Variants in ITGB4 observed in about 807,000 individuals in gnomAD.
The protein encoded by ITGB4 is integrin subunit beta 4, also known as integrin beta-4.
A neutral mutation model predicts 207.6 loss-of-function variants in ITGB4; 159 were observed. The ratio of observed to expected loss-of-function variants is 0.77; its 90% CI spans 0.67 to 0.87. ITGB4 has a LOEUF of 0.87. Among genes scored for constraint, ITGB4 ranks in the 40% least tolerant of loss-of-function variants. ITGB4 has a pLI of 0.00. For synonymous variants in ITGB4, 1,020 were observed against 1,062.7 expected (o/e 0.96, Z 0.78); for missense variants, 2,278 against 2,546.8 (o/e 0.89, Z 2.27).
Position 75,757,033 on chromosome 17 carries a change from A to T in ITGB4, c.5144A>T (p.Lys1715Met), listed in dbSNP as rs1662937557. 6.2e-7 allele frequency: 1 copy of T among 1,612,426 alleles called. No individual in the cohort carries two copies. Among genetic ancestry groups the T allele is most frequent in the African/African-American group, 1.3e-5 (1 of 74,732 alleles). Reference sequence around the variant, plus strand: ...AGCGAGAACGTGCCCTACAAGTTCAAGGTGCAGGCCAGGACCACTGAGGGC... The same window carrying T: ...AGCGAGAACGTGCCCTACAAGTTCATGGTGCAGGCCAGGACCACTGAGGGC... ...GLSENVPYKFKVQARTTEGFG... is the reference protein window; with the variant it reads ...GLSENVPYKFMVQARTTEGFG... Residue 1715 changes from lysine (K) to methionine (M), a missense_variant, in exon 38 of 40, where the codon AAG (lysine) becomes ATG (methionine). Coordinates refer to ENST00000200181, the MANE Select transcript of ITGB4 (RefSeq NM_000213.5).
intron 26 of ITGB4, among the ~76,000 whole-genome samples, chr17:75,748,118 T>C (rs2061273341): frequency 7.1e-6 from 1 of 141,032 alleles, no homozygotes; most frequent in African/African-American, 2.6e-5. Flanking sequence ...CCCAGCACTT[T>C]GGGAGGCCAA....
chr17:75,751,893 T>G, intron 30 of ITGB4: 1 of 503,786 alleles, frequency 2.0e-6, no homozygotes, highest in Non-Finnish European at 3.6e-6. Flanking sequence ...GGAGGCACCG[T>G]GGATATATGG....
In ITGB4 at chr17:75,727,790, T is replaced by C; in HGVS notation, c.404T>C (p.Leu135Pro). 1 of 1,614,088 alleles carries C rather than the reference T, an allele frequency of 6.2e-7. No individual in the cohort carries two copies. Among genetic ancestry groups the C allele is most frequent in the Non-Finnish European group, 8.5e-7 (1 of 1,180,014 alleles). ...PLESPVDLYI[L>P]MDFSNSMSDD... ...GAGAGCCCCGTGGACCTGTACATCCTCATGGACTTCTCCAACTCCATGTCC... is the reference window on the plus strand; with the variant it reads ...GAGAGCCCCGTGGACCTGTACATCCCCATGGACTTCTCCAACTCCATGTCC... Residue 135 changes from leucine to proline, a missense_variant, in exon 5 of 40, where the codon CTC (leucine) becomes CCC (proline). Physicochemically the swap from Leu to Pro is moderately conservative, Grantham distance 98. Transcript: ENST00000200181. This position sits in a 1 kb window ranked among gnomAD's most constrained non-coding sequence, Gnocchi z 6.0.
At position 75,754,696 on chromosome 17, in the gene ITGB4, G is replaced by A. The variant is rs755063775; in HGVS notation, c.4439G>A (p.Arg1480His). The A allele has an allele frequency of 1.2e-5, 19 of 1,613,934 alleles. No homozygotes were observed. In the East Asian group the frequency reaches 1.8e-4, roughly 15 times the overall value. Residue 1480 changes from arginine (R) to histidine (H), a missense_variant, in exon 34 of 40, where the codon CGC becomes CAC. Transcript: ENST00000200181. Reference sequence around the variant, plus strand: ...CACCTGAGCCCACACGTGCCCCACCGCGTGCTAAGCACATCCTCCACCCTC... The same window carrying A: ...CACCTGAGCCCACACGTGCCCCACCACGTGCTAAGCACATCCTCCACCCTC... ...GTHLSPHVPH[R>H]VLSTSSTLTR... is the part of the protein sequence containing the mutation.
chr17:75,749,731 A>G (rs1422493597), intron 27 of ITGB4, among the ~76,000 whole-genome samples: 2 of 152,210 alleles, frequency 1.3e-5, no homozygotes, highest in Non-Finnish European at 2.9e-5. Context: ...GTTAGTTCCT[A>G]TCAGCCCTCA....
At chr17:75,741,271 GC>G (rs1568365145) in intron 23 of ITGB4, among the ~76,000 whole-genome samples, 1 of 152,116 alleles carries the variant, frequency 6.6e-6, no homozygotes, top group Non-Finnish European at 1.5e-5. Context: ...TGACTGTCCA[GC>G]CCCCCACCCG....
Position 75,724,790 on chromosome 17 carries a change from C to T in ITGB4, c.79+8C>T. The T allele has an allele frequency of 6.2e-7, 1 of 1,612,214 alleles. No individual in the cohort carries two copies. The highest frequency in any genetic ancestry group is 1.1e-5 in the South Asian group (1 of 91,046). ...GCCTCTCTGGGACCTTGGGTGAGTC[C>T]ACGTTGCCCTGCAGCCCCCTCCTGG... On this transcript the variant is annotated splice_region_variant and intron_variant, in intron 2 of 39. Coordinates refer to ENST00000200181, the MANE Select transcript of ITGB4 (RefSeq NM_000213.5).
chr17:75,754,135 C>T (rs1301834635), intron 33 of ITGB4, among the ~76,000 whole-genome samples, 161 bp downstream of exon 33: 1 of 152,166 alleles, frequency 6.6e-6, no homozygotes, highest in Non-Finnish European at 1.5e-5. Context: ...GGCCCAGTGC[C>T]AGGGGACGCG....
intron 14 of ITGB4, 24 bp downstream of exon 14, chr17:75,736,178 A>G: frequency 6.2e-7 from 1 of 1,610,988 alleles, no homozygotes; most frequent in Non-Finnish European, 8.5e-7. Context: ...TAAGACAGAC[A>G]GTGTCTGTCA....
At chr17:75,737,297 C>T in intron 16 of ITGB4, 25 bp from the exon 17 acceptor site, 1 of 1,581,604 alleles carries the variant, frequency 6.3e-7, no homozygotes, top group Non-Finnish European at 8.6e-7. Context: ...GGCTGGGGTG[C>T]CCTGCTGACT....
chr17:75,730,515 C>T lies in ITGB4; in HGVS notation c.1002+11C>T, dbSNP rs974594169. 1 of 1,613,410 alleles carries T rather than the reference C, an allele frequency of 6.2e-7. No individual in the cohort carries two copies. The highest frequency in any genetic ancestry group is 1.3e-5 in the African/African-American group (1 of 74,952). ...TATAGCTACTACGAGGTGCGGGGCC[C>T]AGGTCCCACGGGTGGGAGGTGGTCA... On this transcript the variant is annotated intron_variant, in intron 8 of 39. Coordinates refer to ENST00000200181, the MANE Select transcript of ITGB4 (RefSeq NM_000213.5).
In ITGB4 at chr17:75,742,924, G is replaced by C. The variant is rs780350805; in HGVS notation, c.2962+163G>C. On this transcript the variant is annotated intron_variant, in intron 25 of 39. Coordinates refer to ENST00000200181, the MANE Select transcript of ITGB4 (RefSeq NM_000213.5). The surrounding 1 kb of genome is among the most constrained non-coding windows in gnomAD (Gnocchi z 5.9). ...GTAAAATGGGTAAGGGCTCTTTTACGGAATGCGTGGCTGTTCACCTCGCCA... is the reference window on the plus strand; with the variant it reads ...GTAAAATGGGTAAGGGCTCTTTTACCGAATGCGTGGCTGTTCACCTCGCCA... Among the ~76,000 whole-genome samples the C allele has an allele frequency of 3.9e-5, 6 of 152,162 alleles. No individual in the cohort carries two copies. Among genetic ancestry groups the C allele is most frequent in the Non-Finnish European group, 8.8e-5 (6 of 68,022 alleles).
At position 75,736,685 on chromosome 17, in the gene ITGB4, C is replaced by G; in HGVS notation, c.1981C>G (p.Leu661Val). The G allele has an allele frequency of 1.3e-6, 2 of 1,595,456 alleles. No individual in the cohort carries two copies. Among genetic ancestry groups the G allele is most frequent in the Non-Finnish European group, 1.7e-6 (2 of 1,172,458 alleles). ...CTTCAAGGTCAAGATGGTGGACGAG[C>G]TTAAGAGAGGTAGGGGCAGGGGCTG... is the stretch of plus-strand genomic sequence containing the variant. ...CNFKVKMVDE[L>V]KRAEEVVVRC... The change falls in exon 16 of 40, where the codon CTT becomes GTT. Residue 661 changes from leucine to valine, a missense_variant. By Grantham distance (32) the Leu-to-Val change is conservative. Coordinates refer to ENST00000200181, the MANE Select transcript of ITGB4 (RefSeq NM_000213.5).
At chr17:75,754,926 A>G in intron 34 of ITGB4, 111 bp downstream of exon 34, 1 of 1,544,506 alleles carries the variant, frequency 6.5e-7, no homozygotes, top group Non-Finnish European at 8.9e-7. Context: ...CAACATACAC[A>G]CACGCATGCA....
chr17:75,749,891 G>A (rs986289501), intron 27 of ITGB4, among the ~76,000 whole-genome samples: 2 of 152,152 alleles, frequency 1.3e-5, no homozygotes, highest in Admixed American at 6.5e-5. Context: ...ACTCCCTCCC[G>A]CTTCTGTTCC....
In ITGB4 at chr17:75,752,612, G is replaced by C. The variant is rs768563014; in HGVS notation, c.4108+35G>C. ...GACCTGGGACCCACAAGAGGACAGT[G>C]GGGGTCTTGGGTACAGAGTGAGTCC... On this transcript the variant is annotated intron_variant, in intron 32 of 39. Transcript: ENST00000200181. 7.4e-6 allele frequency: 12 copies of C among 1,612,414 alleles called. No individual in the cohort carries two copies. In the Admixed American group the frequency reaches 2.0e-4, roughly 27 times the overall value.
In ITGB4 at chr17:75,724,727, A is replaced by G. The variant is rs2148452006; in HGVS notation, c.24A>G (p.Pro8=). The G allele has an allele frequency of 6.2e-7, 1 of 1,613,850 alleles. No individual in the cohort carries two copies. The highest frequency in any genetic ancestry group is 1.1e-5 in the South Asian group (1 of 91,090). MAGPRPS[P]WARLLLAALI... is the part of the protein sequence containing the mutation. ...GGATGGCAGGGCCACGCCCCAGCCCATGGGCCAGGCTGCTCCTGGCAGCCT... is the reference window on the plus strand; with the variant it reads ...GGATGGCAGGGCCACGCCCCAGCCCGTGGGCCAGGCTGCTCCTGGCAGCCT... Residue 8 remains proline (P), a synonymous_variant, in exon 2 of 40, where the codon CCA becomes CCG. Transcript: ENST00000200181.
intron 25 of ITGB4, among the ~76,000 whole-genome samples, chr17:75,743,085 C>A (rs546934652): frequency 6.6e-6 from 1 of 152,264 alleles, no homozygotes; most frequent in South Asian, 2.1e-4. Flanking sequence ...ACCCCTCCTC[C>A]CACCTGTGCC....
In ITGB4 at chr17:75,736,333, T is replaced by C; in HGVS notation, c.1807T>C (p.Cys603Arg). The change falls in exon 15 of 40, where the codon TGC becomes CGC. Residue 603 changes from cysteine to arginine, a missense_variant. Transcript: ENST00000200181. ...RGHCECGRCH[C>R]HQQSLYTDTI... ...CCACTGTGAGTGTGGCCGCTGCCACTGCCACCAGCAGTCGCTCTACACGGA... is the reference window on the plus strand; with the variant it reads ...CCACTGTGAGTGTGGCCGCTGCCACCGCCACCAGCAGTCGCTCTACACGGA... 6.2e-7 allele frequency: 1 copy of C among 1,613,236 alleles called. No homozygotes were observed. Among genetic ancestry groups the C allele is most frequent in the Middle Eastern group, 1.7e-4 (1 of 6,058 alleles).
Sources: allele counts gnomAD v4.1 joint callset (sites outside exome capture counted in the v4.1 genomes callset), GRCh38; gene constraint gnomAD v4.1.1; non-coding constraint Gnocchi (gnomAD v3.1); transcripts MANE v1.5; gene names NCBI Gene and HGNC (gene_info 2026-07-23, HGNC 2026-07-21).